The following WIPF1 variants were observed in gnomAD, a reference collection of about 807,000 sequenced individuals.
WIPF1 encodes the protein WAS/WASL-interacting protein family member 1.
A neutral mutation model predicts 35.4 loss-of-function variants in WIPF1; 13 were observed. The observed-to-expected ratio is 0.37, with a 90% CI of 0.24 to 0.58. WIPF1 has a LOEUF of 0.58. Among genes scored for constraint, WIPF1 ranks in the 20% least tolerant of loss-of-function variants. The pLI is 0.74. For missense variants in WIPF1, 591 were observed against 667.0 expected, an observed-to-expected ratio of 0.89 and a Z score of 1.25; for synonymous variants, 267 against 266.3, an observed-to-expected ratio of 1.00 and a Z score of -0.02.
At chr2:174,605,641 T>A (rs1049195992) in intron 1 of WIPF1, among the ~76,000 whole-genome samples, 1 of 152,196 alleles carries the variant, frequency 6.6e-6, no homozygotes, top group African/African-American at 2.4e-5. Context: ...TAGAGATATA[T>A]ACTGAAATAT....
chr2:174,654,568 T>A (rs1298010551), intron 1 of WIPF1, among the ~76,000 whole-genome samples: 3 of 152,082 alleles, frequency 2.0e-5, no homozygotes, highest in Non-Finnish European at 2.9e-5. Flanking sequence ...GGCCATAGCT[T>A]GTGGAACCAA....
At chr2:174,641,794 C>T (rs1394000307) in intron 1 of WIPF1, among the ~76,000 whole-genome samples, 4 of 152,198 alleles carry the variant, frequency 2.6e-5, no homozygotes, top group Admixed American at 6.5e-5. Flanking sequence ...CAAGCCTGTG[C>T]CACATGCTTT....
chr2:174,580,968 T>G (rs933405214), intron 3 of WIPF1, among the ~76,000 whole-genome samples: 2 of 152,224 alleles, frequency 1.3e-5, no homozygotes, highest in Admixed American at 1.3e-4. Flanking sequence ...ACCCACAGCT[T>G]TTGATTCCAA....
rs375441604 is a variant in WIPF1, at chr2:174,587,897, A to C, written c.-38-2286T>G. Among the ~76,000 whole-genome samples the C allele has an allele frequency of 3.9e-5, 6 of 152,340 alleles. No individual in the cohort carries two copies. In the South Asian group the frequency reaches 1.0e-3, roughly 26 times the overall value. On this transcript the variant is annotated intron_variant, in intron 1 of 7. Coordinates refer to ENST00000679041, the MANE Select transcript of WIPF1 (RefSeq NM_001375834.1). ...CAGCTCACCTGTTAACTAGGCTGGAATCTGTTTTCAGTAAGAGACTGTCTC... is the reference window on the plus strand; with the variant it reads ...CAGCTCACCTGTTAACTAGGCTGGACTCTGTTTTCAGTAAGAGACTGTCTC...
chr2:174,641,735 G>A (rs1314045334), intron 1 of WIPF1, among the ~76,000 whole-genome samples: 1 of 152,182 alleles, frequency 6.6e-6, no homozygotes, highest in Non-Finnish European at 1.5e-5. Flanking sequence ...CCAGTACCCA[G>A]GAGGGACTGG....
intron 1 of WIPF1, among the ~76,000 whole-genome samples, chr2:174,647,519 G>A (rs535904235): frequency 3.9e-5 from 6 of 151,968 alleles, no homozygotes; most frequent in East Asian, 1.9e-4. Context: ...GATTACAGGC[G>A]CGTGCCACTA....
intron 1 of WIPF1, among the ~76,000 whole-genome samples, chr2:174,631,466 G>A (rs1303149317): frequency 1.3e-5 from 2 of 152,304 alleles, no homozygotes; most frequent in South Asian, 4.2e-4. Flanking sequence ...CTGGGGGAAA[G>A]GGAATGGGGA....
At chr2:174,573,089 C>T (rs1035925951) in intron 4 of WIPF1, among the ~76,000 whole-genome samples, 1 of 152,128 alleles carries the variant, frequency 6.6e-6, no homozygotes, top group Admixed American at 6.5e-5. Flanking sequence ...AATTCATCTA[C>T]AAAGAAGCAG....
intron 1 of WIPF1, chr2:174,634,509 A>C (rs1175551096): frequency 6.6e-6 from 1 of 152,256 alleles, no homozygotes; most frequent in Non-Finnish European, 1.5e-5. Context: ...GGGGGCAAAA[A>C]GCACTAACCT....
intron 1 of WIPF1, among the ~76,000 whole-genome samples, chr2:174,616,094 A>C (rs1235811061): frequency 4.6e-5 from 7 of 152,342 alleles, no homozygotes; most frequent in Admixed American, 1.3e-4. Flanking sequence ...CCATGAAAAA[A>C]AATTCCCTCA....
intron 1 of WIPF1, among the ~76,000 whole-genome samples, chr2:174,592,528 TATAACTGGATAGATTCAAAA>T (rs1685648713): frequency 6.6e-6 from 1 of 151,928 alleles, no homozygotes; most frequent in South Asian, 2.1e-4. Context: ...TCAGAAATAA[TATAACTGGATAGATTCAAAA>T]ATCCAACTGC....
chr2:174,607,955 G>A (rs1284430143), intron 1 of WIPF1, among the ~76,000 whole-genome samples: 1 of 152,190 alleles, frequency 6.6e-6, no homozygotes, highest in African/African-American at 2.4e-5. Flanking sequence ...GCTGCTCCAC[G>A]TTTGGCTCTA....
chr2:174,605,080 G>A (rs1686115850), intron 1 of WIPF1, among the ~76,000 whole-genome samples: 1 of 152,238 alleles, frequency 6.6e-6, no homozygotes. Context: ...CGTGGAGACT[G>A]AGCATGAAGC....
chr2:174,638,132 TA>T (rs1199667156), intron 1 of WIPF1, among the ~76,000 whole-genome samples: 1 of 152,186 alleles, frequency 6.6e-6, no homozygotes, highest in South Asian at 2.1e-4. Context: ...GTGCGGACAT[TA>T]AAAAAATCCC....
At chr2:174,657,572 C>T (rs1687669811) in intron 1 of WIPF1, among the ~76,000 whole-genome samples, 1 of 151,998 alleles carries the variant, frequency 6.6e-6, no homozygotes, top group African/African-American at 2.4e-5. Flanking sequence ...TCCTTTCAAA[C>T]ATGGCTGAGA....
chr2:174,600,165 T>C (rs138802806), upstream of WIPF1, among the ~76,000 whole-genome samples: 7 of 152,268 alleles, frequency 4.6e-5, no homozygotes, highest in East Asian at 1.2e-3. Flanking sequence ...TAAGGGGCCA[T>C]AGACTGGTTG....
chr2:174,599,808 TCTCTAG>T (rs907236407), upstream of WIPF1, among the ~76,000 whole-genome samples: 5 of 149,470 alleles, frequency 3.3e-5, no homozygotes, highest in African/African-American at 5.1e-5. Flanking sequence ...TCTCTCTCTC[TCTCTAG>T]CTATCTCTCT....
chr2:174,589,071 G>C (rs1029782636), intron 1 of WIPF1, among the ~76,000 whole-genome samples: 1 of 152,186 alleles, frequency 6.6e-6, no homozygotes, highest in African/African-American at 2.4e-5. Context: ...CAAGGGAAGT[G>C]TGTGAGAAAC....
intron 1 of WIPF1, among the ~76,000 whole-genome samples, chr2:174,626,990 C>T (rs1370324654): frequency 1.3e-5 from 2 of 152,206 alleles, no homozygotes; most frequent in East Asian, 1.9e-4. Flanking sequence ...CAGGATCTCA[C>T]CTCCAAATTA....
Sources: gnomAD v4.1 joint callset for allele counts (sites outside exome capture counted in the v4.1 genomes callset) on GRCh38, gnomAD v4.1.1 for gene constraint, MANE v1.5 for transcripts, NCBI Gene and HGNC (gene_info 2026-07-23, HGNC 2026-07-21) for gene names.